The following ARR3 variants were observed in gnomAD, a reference collection of about 807,000 sequenced individuals.
ARR3 encodes the protein arrestin-C.
Under a neutral mutation model 35.4 loss-of-function variants are expected in ARR3, and 14 were observed. The observed-to-expected ratio is 0.40, with a 90% CI of 0.26 to 0.62. The LOEUF (loss-of-function observed/expected upper bound fraction) is 0.62. Among genes scored for constraint, ARR3 ranks in the 20% least tolerant of loss-of-function variants. ARR3 has a pLI of 0.46. For synonymous variants in ARR3, 97 were observed against 119.1 expected (o/e 0.81, Z 1.21); for missense variants, 259 against 303.8 (o/e 0.85, Z 1.10).
Position 70,278,499 on chromosome X carries a change from T to C in ARR3, c.768-5T>C. 1 of 1,208,075 alleles carries C rather than the reference T, an allele frequency of 8.3e-7. No individual in the cohort carries two copies. ...CTAAATTCTTCTCTTGTTCTTCTTT[T>C]GTAGGGAGACTGTAGCTGCTAATTC... On this transcript the variant is annotated splice_region_variant and splice_polypyrimidine_tract_variant and intron_variant, in intron 11 of 16. Coordinates refer to ENST00000307959, the MANE Select transcript of ARR3 (RefSeq NM_004312.3).
chrX:70,278,356 A>G, intron 11 of ARR3, 148 bp from the exon 12 acceptor site: 1 of 801,684 alleles, frequency 1.2e-6, no homozygotes, highest in South Asian at 2.7e-5. Context: ...CACCAGAACT[A>G]ATTTCTCCCA....
In ARR3 at chrX:70,268,879, C is replaced by CCATTCATTCATT. The variant is rs58504509; in HGVS notation, c.-30-457_-30-446dup. 2.7e-3 allele frequency among the ~76,000 whole-genome samples: 295 copies of CCATTCATTCATT among 110,894 alleles called. 3 individuals are homozygous for CCATTCATTCATT. The highest frequency in any genetic ancestry group is 9.5e-3 in the African/African-American group (282 of 29,816). Reference sequence around the variant, plus strand: ...AAGGAGACAGAATCCATTGATTTGTCCATTCATTCATTCATTCATTCATTC... The same window carrying CCATTCATTCATT: ...AAGGAGACAGAATCCATTGATTTGTCCATTCATTCATTCATTCATTCATTCATTCATTCATTC... On this transcript the variant is annotated intron_variant, in intron 1 of 16. Transcript: ENST00000307959.
chrX:70,281,393 C>T (rs1333231791), intron 16 of ARR3, among the ~76,000 whole-genome samples: 2 of 109,939 alleles, frequency 1.8e-5, no homozygotes, highest in African/African-American at 6.7e-5. Context: ...GCCCTTACTT[C>T]TTTCGTCTTT....
Position 70,278,490 on chromosome X carries a change from T to C in ARR3, c.768-14T>C. ...AAGCCCAGCCTAAATTCTTCTCTTG[T>C]TCTTCTTTTGTAGGGAGACTGTAGC... On this transcript the variant is annotated splice_polypyrimidine_tract_variant and intron_variant, in intron 11 of 16. Coordinates refer to ENST00000307959, the MANE Select transcript of ARR3 (RefSeq NM_004312.3). 1 of 1,204,498 alleles carries C rather than the reference T, an allele frequency of 8.3e-7. No individual in the cohort carries two copies. Among genetic ancestry groups the C allele is most frequent in the Non-Finnish European group, 1.1e-6 (1 of 891,489 alleles).
Sources: gnomAD v4.1 joint callset for allele counts (sites outside exome capture counted in the v4.1 genomes callset) on GRCh38, gnomAD v4.1.1 for gene constraint, MANE v1.5 for transcripts, NCBI Gene and HGNC (gene_info 2026-07-23, HGNC 2026-07-21) for gene names.